DYRK1A: variants seen among roughly 807,000 people sequenced by gnomAD.
The protein encoded by DYRK1A is dual specificity tyrosine phosphorylation regulated kinase 1A.
DYRK1A carries 9 observed loss-of-function variants against 79.7 expected under a neutral mutation model. That is an observed-to-expected ratio of 0.11 (90% CI 0.07 to 0.20). The LOEUF is 0.20. Ranked by LOEUF, DYRK1A falls within the 10% of genes least tolerant of loss-of-function variation. The pLI, the probability that DYRK1A is intolerant of heterozygous loss-of-function variation, is 1.00. For missense variants in DYRK1A, 622 were observed against 956.0 expected (o/e 0.65, Z 4.61); for synonymous variants, 349 against 329.7 (o/e 1.06, Z -0.63).
chr21:37,390,411 C>G (rs1020731807), intron 1 of DYRK1A, among the ~76,000 whole-genome samples: 1 of 152,208 alleles, frequency 6.6e-6, no homozygotes, highest in Non-Finnish European at 1.5e-5. Context: ...CATTCTCTTA[C>G]ATAACAGCAA....
intron 3 of DYRK1A, among the ~76,000 whole-genome samples, chr21:37,473,972 G>A (rs1314229791): frequency 2.0e-5 from 3 of 152,174 alleles, no homozygotes; most frequent in African/African-American, 7.2e-5. Context: ...ATAACACGAT[G>A]ATCCATTTGC....
chr21:37,496,039 TTATG>T lies in DYRK1A; in HGVS notation c.1072-78_1072-75del, dbSNP rs2053257422. On this transcript the variant is annotated intron_variant, in intron 8 of 11. Coordinates refer to ENST00000647188, the MANE Select transcript of DYRK1A (RefSeq NM_001347721.2). ...GACACACAGGAGGTGTGCAATTTAT[TTATG>T]AATGAATGACTTGATGAGCAGGAGT... The T allele has an allele frequency of 6.3e-6, 9 of 1,425,958 alleles. No individual in the cohort carries two copies. The Middle Eastern group carries it at 5.5e-4, about 87-fold the overall frequency. The allele number at this position is 1,425,958 out of a possible 1,614,324, so 88.3% of individuals were successfully genotyped here.
At chr21:37,504,946 A>C in intron 9 of DYRK1A, 1 of 218,394 alleles carries the variant, frequency 4.6e-6, no homozygotes, top group East Asian at 1.2e-4. Flanking sequence ...TCTGTTGCAT[A>C]TTTTTTGTTT....
intron 2 of DYRK1A, among the ~76,000 whole-genome samples, chr21:37,471,772 G>A (rs1452579040): frequency 6.6e-6 from 1 of 152,184 alleles, no homozygotes; most frequent in Non-Finnish European, 1.5e-5. Context: ...TTGCTACTGA[G>A]CGTTATGGTC....
chr21:37,483,291 G>A (rs913293879), intron 5 of DYRK1A, among the ~76,000 whole-genome samples: 1 of 152,164 alleles, frequency 6.6e-6, no homozygotes, highest in Admixed American at 6.5e-5. Flanking sequence ...GCTTCAGCTG[G>A]TCCCTCCGTT....
At chr21:37,466,169 C>T (rs573278640) in intron 2 of DYRK1A, among the ~76,000 whole-genome samples, 1 of 152,324 alleles carries the variant, frequency 6.6e-6, no homozygotes, top group African/African-American at 2.4e-5. Flanking sequence ...ATCTTTCCTT[C>T]CAGATGCATC....
chr21:37,390,717 T>G (rs1439969602), intron 1 of DYRK1A, among the ~76,000 whole-genome samples: 1 of 152,124 alleles, frequency 6.6e-6, no homozygotes, highest in African/African-American at 2.4e-5. Flanking sequence ...TATAGGTGCC[T>G]GTCACCACAC....
chr21:37,402,588 T>A (rs1356540078), intron 1 of DYRK1A, among the ~76,000 whole-genome samples: 2 of 152,222 alleles, frequency 1.3e-5, no homozygotes, highest in Non-Finnish European at 2.9e-5. Context: ...TGGTTATCAT[T>A]TGAAAGATTT....
chr21:37,457,036 ACTTATTTATTTATT>A (rs2051669701), intron 2 of DYRK1A, among the ~76,000 whole-genome samples: 2 of 35,824 alleles, frequency 5.6e-5, no homozygotes, highest in Non-Finnish European at 6.2e-5. Context: ...TTACTTACTT[ACTTATTTATTTATT>A]TATTTATTTA....
At chr21:37,482,583 T>C (rs984897716) in intron 5 of DYRK1A, among the ~76,000 whole-genome samples, 1 of 152,210 alleles carries the variant, frequency 6.6e-6, no homozygotes, top group Non-Finnish European at 1.5e-5. Context: ...TTAAAATTGC[T>C]AATGAAGTTT....
chr21:37,372,568 A>G (rs2049454694), intron 1 of DYRK1A, among the ~76,000 whole-genome samples: 1 of 152,132 alleles, frequency 6.6e-6, no homozygotes, highest in Non-Finnish European at 1.5e-5. Context: ...AACCATGAAC[A>G]GAGGCTCCAG....
rs2053919780 is a variant in DYRK1A, at chr21:37,519,755, T to TTG, written c.*7225_*7226insGT. 1 of 144,136 alleles carries TTG rather than the reference T, an allele frequency of 6.9e-6. No individual in the cohort carries two copies. The highest frequency in any genetic ancestry group is 6.8e-5 in the Admixed American group (1 of 14,710). The allele number at this position is 144,136 out of a possible 1,614,324, so 8.9% of individuals were successfully genotyped here. On this transcript the variant is annotated 3_prime_UTR_variant, in exon 12 of 12. Coordinates refer to ENST00000647188, the MANE Select transcript of DYRK1A (RefSeq NM_001347721.2). ...TGGGAAGTTTTTTTTTTTTTTTTTT[T>TTG]TTTTGAGGCGGAGTCTCGCTCTGTC...
chr21:37,459,470 A>G (rs2148522415), intron 2 of DYRK1A, among the ~76,000 whole-genome samples: 1 of 152,278 alleles, frequency 6.6e-6, no homozygotes, highest in South Asian at 2.1e-4. Flanking sequence ...TGCCCGATGG[A>G]GTAATCATCA....
chr21:37,421,882 A>G (rs374996590), intron 2 of DYRK1A: 1 of 152,056 alleles, frequency 6.6e-6, no homozygotes, highest in South Asian at 2.1e-4. Flanking sequence ...TAGAGGAACA[A>G]AGTATTTTTG....
intron 2 of DYRK1A, among the ~76,000 whole-genome samples, chr21:37,432,821 T>G (rs1229237383): frequency 2.0e-5 from 3 of 151,866 alleles, no homozygotes; most frequent in African/African-American, 4.8e-5. Flanking sequence ...CAGTATATTG[T>G]ATGTTTTAGT....
chr21:37,503,514 T>G (rs561907456), intron 9 of DYRK1A: 7 of 152,334 alleles, frequency 4.6e-5, no homozygotes, highest in Admixed American at 4.6e-4. Context: ...CTTGACTTCC[T>G]TGGCTCAAGC....
intron 2 of DYRK1A, among the ~76,000 whole-genome samples, chr21:37,447,044 C>T (rs904126490): frequency 6.6e-6 from 1 of 152,184 alleles, no homozygotes; most frequent in Non-Finnish European, 1.5e-5. Flanking sequence ...GGGCACTTAA[C>T]ATCTGATTAC....
At chr21:37,420,423 G>A (rs375986861) in intron 2 of DYRK1A, 39 bp downstream of exon 2, 2 of 1,605,346 alleles carry the variant, frequency 1.2e-6, no homozygotes, top group Admixed American at 1.7e-5. Context: ...CTCTGGCTAA[G>A]AGAATGTGGG....
In DYRK1A at chr21:37,367,341, C is replaced by T. The variant is rs1185132699; in HGVS notation, c.-364C>T. ...TCGGCGCCCGGCCTCGCCGACGCCG[C>T]CCTCTGCGCCGGGCCGGCCGTGCGG... On this transcript the variant is annotated 5_prime_UTR_variant, in exon 1 of 12. Transcript: ENST00000647188. 1 of 36,154 alleles carries T rather than the reference C, an allele frequency of 2.8e-5. No individual in the cohort carries two copies. Among genetic ancestry groups the T allele is most frequent in the Non-Finnish European group, 5.1e-5 (1 of 19,606 alleles). 2.2% of individuals were successfully genotyped at this position (36,154 alleles called of 1,614,324 possible). A position where few individuals can be genotyped will look rare whatever the true frequency, so the allele number is the denominator to read the frequency against.
Sources: gnomAD v4.1 joint callset for allele counts (sites outside exome capture counted in the v4.1 genomes callset) on GRCh38, gnomAD v4.1.1 for gene constraint, MANE v1.5 for transcripts, NCBI Gene and HGNC (gene_info 2026-07-23, HGNC 2026-07-21) for gene names.